FHOD3: variants seen among roughly 807,000 people sequenced by gnomAD.
FHOD3 encodes formin homology 2 domain containing 3.
In FHOD3, 90 loss-of-function variants were observed where a neutral mutation model predicts 173.0. That is an observed-to-expected ratio of 0.52 (90% CI 0.44 to 0.62). The LOEUF is 0.62. FHOD3 is among the 20% of genes least tolerant of loss of function. FHOD3 has a pLI of 0.00. For synonymous variants in FHOD3, 828 were observed against 823.0 expected, an observed-to-expected ratio of 1.01 and a Z score of -0.10; for missense variants, 1,945 against 2,034.7, an observed-to-expected ratio of 0.96 and a Z score of 0.85.
At chr18:36,704,445 C>G (rs1331078517) in intron 17 of FHOD3, among the ~76,000 whole-genome samples, 1 of 152,218 alleles carries the variant, frequency 6.6e-6, no homozygotes, top group East Asian at 1.9e-4. Context: ...CCAAGTCCTT[C>G]CTGCAGTTCC....
chr18:36,610,747 G>A (rs929323547), intron 8 of FHOD3, among the ~76,000 whole-genome samples: 2 of 152,210 alleles, frequency 1.3e-5, no homozygotes, highest in African/African-American at 4.8e-5. Flanking sequence ...TTACAGAAGT[G>A]TTGGTCTTAT....
chr18:36,681,336 C>G, intron 14 of FHOD3, 100 bp from the exon 15 acceptor site: 3 of 1,425,898 alleles, frequency 2.1e-6, no homozygotes, highest in South Asian at 1.4e-5. Context: ...TGCCTAGGTA[C>G]CGGCAGACCC....
intron 1 of FHOD3, among the ~76,000 whole-genome samples, chr18:36,348,427 A>G (rs1260135797): frequency 6.6e-6 from 1 of 152,202 alleles, no homozygotes. Flanking sequence ...CACTTCATTT[A>G]TGAGCCAAGA....
intron 1 of FHOD3, among the ~76,000 whole-genome samples, chr18:36,319,550 A>G (rs2044291125): frequency 6.6e-6 from 1 of 152,138 alleles, no homozygotes; most frequent in Non-Finnish European, 1.5e-5. Context: ...AGACTTTAAC[A>G]CTCCACTGTC....
chr18:36,606,227 A>G (rs371869089), intron 8 of FHOD3, among the ~76,000 whole-genome samples: 10 of 152,326 alleles, frequency 6.6e-5, no homozygotes, highest in African/African-American at 1.7e-4. Context: ...GTAACTGAAT[A>G]CCACAGACTG....
rs529823775 is a variant in FHOD3, at chr18:36,369,929, C to T, written c.273-2751C>T. 3.3e-5 allele frequency among the ~76,000 whole-genome samples: 5 copies of T among 152,278 alleles called. No homozygotes were observed. The East Asian group carries it at 9.6e-4, about 29-fold the overall frequency. Reference sequence around the variant, plus strand: ...TGGAATCAGATTCTGTGCTTTCAACCCTGCTTCTGTTTCCACCAGCCCTGT... The same window carrying T: ...TGGAATCAGATTCTGTGCTTTCAACTCTGCTTCTGTTTCCACCAGCCCTGT... On this transcript the variant is annotated intron_variant, in intron 2 of 28. Transcript: ENST00000590592.
At chr18:36,471,081 G>A (rs574215328) in intron 3 of FHOD3, among the ~76,000 whole-genome samples, 1 of 152,316 alleles carries the variant, frequency 6.6e-6, no homozygotes, top group East Asian at 1.9e-4. Context: ...AGTTAATGAT[G>A]CAAATGCAGC....
intron 3 of FHOD3, among the ~76,000 whole-genome samples, chr18:36,499,881 G>C (rs1387374331): frequency 6.6e-6 from 1 of 152,190 alleles, no homozygotes; most frequent in Non-Finnish European, 1.5e-5. Flanking sequence ...GCAAGTGTTT[G>C]TGGGCTGCAT....
chr18:36,310,413 C>G (rs2144663430), intron 1 of FHOD3, among the ~76,000 whole-genome samples: 1 of 152,196 alleles, frequency 6.6e-6, no homozygotes, highest in Admixed American at 6.5e-5. Flanking sequence ...GGGCCGGGTG[C>G]AGTGGCTTAT....
intron 9 of FHOD3, among the ~76,000 whole-genome samples, chr18:36,619,189 C>T (rs1265658448): frequency 6.6e-6 from 1 of 152,130 alleles, no homozygotes; most frequent in African/African-American, 2.4e-5. Context: ...AATATCTGTA[C>T]CTGCCCCCAA....
chr18:36,317,114 A>G (rs1281566907), intron 1 of FHOD3, among the ~76,000 whole-genome samples: 2 of 152,090 alleles, frequency 1.3e-5, no homozygotes, highest in Non-Finnish European at 2.9e-5. Context: ...TTCTTTATCT[A>G]GTCTATTATT....
At chr18:36,337,009 C>T (rs2045352091) in intron 1 of FHOD3, among the ~76,000 whole-genome samples, 4 of 151,178 alleles carry the variant, frequency 2.6e-5, no homozygotes, top group Admixed American at 6.6e-5. Context: ...CTCATCTCTA[C>T]AAAAAATATA....
At chr18:36,364,414 G>A (rs1369122692) in intron 2 of FHOD3, among the ~76,000 whole-genome samples, 1 of 152,128 alleles carries the variant, frequency 6.6e-6, no homozygotes, top group African/African-American at 2.4e-5. Context: ...CCATTTCTGT[G>A]TGCACATAGC....
intron 3 of FHOD3, among the ~76,000 whole-genome samples, chr18:36,472,473 C>T (rs184037746): frequency 2.0e-5 from 3 of 152,302 alleles, no homozygotes; most frequent in Admixed American, 1.3e-4. Context: ...TTAGTAGATT[C>T]ACCAAATTTT....
At chr18:36,485,913 T>C (rs897699752) in intron 3 of FHOD3, among the ~76,000 whole-genome samples, 1 of 152,314 alleles carries the variant, frequency 6.6e-6, no homozygotes, top group African/African-American at 2.4e-5. Context: ...CCTGGAAAAC[T>C]GCACCTGCCT....
intron 7 of FHOD3, among the ~76,000 whole-genome samples, chr18:36,599,291 C>T (rs1217244755): frequency 6.6e-6 from 1 of 152,208 alleles, no homozygotes; most frequent in Non-Finnish European, 1.5e-5. Flanking sequence ...TAATCTGGCT[C>T]AGCAGAGCTT....
chr18:36,411,864 A>G (rs2146900854), intron 3 of FHOD3, among the ~76,000 whole-genome samples: 1 of 152,296 alleles, frequency 6.6e-6, no homozygotes, highest in East Asian at 1.9e-4. Context: ...CATTTGGGAG[A>G]TTGACCTGCC....
rs139511027 is a variant in FHOD3 at position 36,416,285 on chromosome 18, G to A, written c.337+43541G>A. ...CTTGACCTCGTGATCCGCCTGCCTC[G>A]GCCTTCCAAAGTGCTGGGATTACAG... On this transcript the variant is annotated intron_variant, in intron 3 of 28. Coordinates refer to ENST00000590592, the MANE Select transcript of FHOD3 (RefSeq NM_001281740.3). Among the ~76,000 whole-genome samples the A allele has an allele frequency of 5.7e-3, 861 of 152,258 alleles. 12 individuals carry two copies. Among genetic ancestry groups the A allele is most frequent in the African/African-American group, 0.019 (794 of 41,542 alleles).
At chr18:36,559,711 A>G (rs2058023432) in intron 5 of FHOD3, among the ~76,000 whole-genome samples, 2 of 152,138 alleles carry the variant, frequency 1.3e-5, no homozygotes, top group Admixed American at 6.5e-5. Flanking sequence ...AAATCAGCTT[A>G]GATAGAGCCC....
Sources: allele counts gnomAD v4.1 joint callset (sites outside exome capture counted in the v4.1 genomes callset), GRCh38; gene constraint gnomAD v4.1.1; transcripts MANE v1.5; gene names NCBI Gene and HGNC (gene_info 2026-07-23, HGNC 2026-07-21).